The following CENPK variants were observed in gnomAD, a reference collection of about 807,000 sequenced individuals.
CENPK encodes the protein SoxLZ/Sox6-binding protein Solt.
Under a neutral mutation model 40.9 loss-of-function variants are expected in CENPK, and 46 were observed. The ratio of observed to expected loss-of-function variants is 1.13; its 90% confidence interval spans 0.89 to 1.44. The LOEUF (loss-of-function observed/expected upper bound fraction) is 1.44, where lower values mean the gene tolerates loss of function less well. Ranked by LOEUF, CENPK falls within the 40% of genes most tolerant of loss-of-function variation. The pLI is 0.00. For synonymous variants in CENPK, 107 were observed against 104.4 expected, an observed-to-expected ratio of 1.02 and a Z score of -0.15; for missense variants, 288 against 303.5, an observed-to-expected ratio of 0.95 and a Z score of 0.38.
At position 65,518,728 on chromosome 5, in the gene CENPK, T is replaced by C. The variant is rs1743169989; in HGVS notation, c.652-95A>G. 21 of 718,488 alleles carry C rather than the reference T, an allele frequency of 2.9e-5. No individual in the cohort carries two copies. The South Asian group carries it at 4.2e-4, about 15-fold the overall frequency. 44.5% of individuals were successfully genotyped at this position (718,488 alleles called of 1,614,324 possible). The stretch of plus-strand genomic sequence containing the variant: ...TGTCAAAGAATATTGACCTCTTTTC[T>C]TTTTCAACAACTGTTTAATACTTTT... On this transcript the variant is annotated intron_variant, in intron 10 of 10. Transcript: ENST00000396679.
At chr5:65,527,647 T>A (rs1011564148) in intron 9 of CENPK, among the ~76,000 whole-genome samples, 3 of 150,850 alleles carry the variant, frequency 2.0e-5, no homozygotes, top group Middle Eastern at 3.4e-3. Context: ...AAATAGTCAA[T>A]AACTTACATT....
chr5:65,531,951 A>G (rs1745922684), intron 6 of CENPK, among the ~76,000 whole-genome samples: 1 of 152,224 alleles, frequency 6.6e-6, no homozygotes, highest in Non-Finnish European at 1.5e-5. Flanking sequence ...AAATAAAAAA[A>G]TAAAAATAAG....
chr5:65,554,016 C>T (rs1037500747), intron 3 of CENPK, among the ~76,000 whole-genome samples: 1 of 152,144 alleles, frequency 6.6e-6, no homozygotes, highest in African/African-American at 2.4e-5. Context: ...TTACATTATC[C>T]ATAACATTCT....
chr5:65,535,179 C>G (rs910039944), intron 6 of CENPK, among the ~76,000 whole-genome samples: 2 of 151,452 alleles, frequency 1.3e-5, no homozygotes, highest in Non-Finnish European at 2.9e-5. Flanking sequence ...TTACAACGAA[C>G]TGAGATGATG....
At chr5:65,496,801 C>A in the CENPK span, among the ~76,000 whole-genome samples, 12 of 151,958 alleles carry the variant, frequency 7.9e-5, no homozygotes, top group Non-Finnish European at 1.5e-4. Flanking sequence ...CGTCTGTAAT[C>A]CCAGCACTTT....
the CENPK span, among the ~76,000 whole-genome samples, chr5:65,497,570 T>C: frequency 4.0e-4 from 61 of 152,312 alleles, no homozygotes; most frequent in African/African-American, 1.3e-3. Flanking sequence ...CTTTGTTCTA[T>C]TGATTCATTA....
At chr5:65,551,373 T>A (rs1750016209) in intron 5 of CENPK, 191 bp downstream of exon 5, 2 of 508,594 alleles carry the variant, frequency 3.9e-6, no homozygotes, top group Admixed American at 7.7e-5. Flanking sequence ...TAATCTAATG[T>A]AAGATATGTT....
chr5:65,512,954 CTTAT>C (rs1406201855), downstream of CENPK, among the ~76,000 whole-genome samples: 3 of 152,122 alleles, frequency 2.0e-5, no homozygotes, highest in Admixed American at 6.6e-5. Flanking sequence ...CTTTTTCATG[CTTAT>C]TTGCTATCTA....
intron 2 of CENPK, among the ~76,000 whole-genome samples, chr5:65,559,126 C>A (rs378712): frequency 0.51 from 77,851 of 151,958 alleles, 20,223 homozygotes; most frequent in Non-Finnish European, 0.55. Flanking sequence ...TCATATGGAA[C>A]TTCTGCATTT....
At chr5:65,554,989 C>T (rs1382539981) in intron 2 of CENPK, 43 bp from the exon 3 acceptor site, 1 of 815,598 alleles carries the variant, frequency 1.2e-6, no homozygotes, top group African/African-American at 1.7e-5. Context: ...ATTGGTTGAA[C>T]ACTTATTACC....
chr5:65,528,770 C>A, intron 8 of CENPK, 149 bp downstream of exon 8: 1 of 910,870 alleles, frequency 1.1e-6, no homozygotes. Flanking sequence ...GTCAAGTCAC[C>A]CATAAAAGAT....
At position 65,561,509 on chromosome 5, in the gene CENPK, C is replaced by G; in HGVS notation, c.-86G>C. On this transcript the variant is annotated 5_prime_UTR_variant, in exon 2 of 11. The change abolishes an upstream ATG in the 5' untranslated region. Transcript: ENST00000396679. The stretch of plus-strand genomic sequence containing the variant: ...AGCTGTATGTAACCTGGAAGAGGGT[C>G]ATCAACAGAACCAGAAAATGATGGC... 2 of 456,020 alleles carry G rather than the reference C, an allele frequency of 4.4e-6. No homozygotes were observed. Among genetic ancestry groups the G allele is most frequent in the Non-Finnish European group, 8.8e-6 (2 of 226,814 alleles). The allele number at this position is 456,020 out of a possible 1,614,324, so 28.2% of individuals were successfully genotyped here.
the CENPK span, among the ~76,000 whole-genome samples, chr5:65,504,332 T>C: frequency 0.047 from 7,166 of 151,660 alleles, 297 homozygotes; most frequent in African/African-American, 0.1. Context: ...GGCACATGCC[T>C]GTAATCCCAG....
chr5:65,509,913 G>A, the CENPK span, among the ~76,000 whole-genome samples: 8 of 152,120 alleles, frequency 5.3e-5, no homozygotes, highest in Non-Finnish European at 1.2e-4. Flanking sequence ...ATTGTTTGGA[G>A]GAATCAAGAA....
chr5:65,531,999 TA>T (rs1417714723), intron 6 of CENPK, among the ~76,000 whole-genome samples: 1 of 152,136 alleles, frequency 6.6e-6, no homozygotes, highest in Non-Finnish European at 1.5e-5. Flanking sequence ...AGAAGGTCAA[TA>T]AAATTAGATT....
At chr5:65,557,901 G>C (rs956167906) in intron 2 of CENPK, among the ~76,000 whole-genome samples, 2 of 152,180 alleles carry the variant, frequency 1.3e-5, no homozygotes, top group African/African-American at 4.8e-5. Context: ...AGAAAGAATG[G>C]AAGGCAAGGA....
chr5:65,551,599 G>T lies in CENPK; in HGVS notation c.206C>A (p.Ala69Asp). Residue 69 changes from alanine to aspartate, a missense_variant, in exon 5 of 11, where the codon GCT becomes GAT. Ala to Asp is a moderately radical substitution (Grantham distance 126). Coordinates refer to ENST00000396679, the MANE Select transcript of CENPK (RefSeq NM_022145.5). The part of the protein sequence containing the change: ...LLIMQVKCLT[A>D]ELSQWQKKTP... ...TTTTTTCTGCCATTGACTGAGTTCA[G>T]CGGTTAAACATTTTACTTGCATAAT... is the stretch of plus-strand genomic sequence containing the variant. 1 of 1,575,502 alleles carries T rather than the reference G, an allele frequency of 6.3e-7. No individual in the cohort carries two copies. Among genetic ancestry groups the T allele is most frequent in the Non-Finnish European group, 8.6e-7 (1 of 1,160,904 alleles).
intron 6 of CENPK, among the ~76,000 whole-genome samples, chr5:65,541,140 T>C (rs1015537681): frequency 6.6e-6 from 1 of 152,080 alleles, no homozygotes; most frequent in African/African-American, 2.4e-5. Context: ...CTTTGTAATA[T>C]CTCTTATGAC....
chr5:65,498,873 G>A, the CENPK span, among the ~76,000 whole-genome samples: 1 of 151,866 alleles, frequency 6.6e-6, no homozygotes, highest in Non-Finnish European at 1.5e-5. Flanking sequence ...GACTGGTCTT[G>A]AGAACAGGCT....
Sources: gnomAD v4.1 joint callset for allele counts (sites outside exome capture counted in the v4.1 genomes callset) on GRCh38, gnomAD v4.1.1 for gene constraint, MANE v1.5 for transcripts, NCBI Gene and HGNC (gene_info 2026-07-23, HGNC 2026-07-21) for gene names.